The following STK39 variants were observed in gnomAD, a reference collection of about 807,000 sequenced individuals.
The protein encoded by STK39 is serine/threonine kinase 39, also known as STE20/SPS1-related proline-alanine-rich protein kinase.
In STK39, 20 loss-of-function variants were observed where a neutral mutation model predicts 77.8. The observed-to-expected ratio is 0.26, with a 90% CI of 0.18 to 0.37. The LOEUF (loss-of-function observed/expected upper bound fraction) is 0.37, where lower values mean the gene tolerates loss of function less well. Ranked by LOEUF, STK39 falls within the 10% of genes least tolerant of loss-of-function variation. The pLI is 1.00. For missense variants in STK39, 479 were observed against 656.5 expected (o/e 0.73, Z 2.95); for synonymous variants, 246 against 234.1 (o/e 1.05, Z -0.47).
At chr2:168,154,176 T>C (rs1688366659) in intron 5 of STK39, among the ~76,000 whole-genome samples, 2 of 152,194 alleles carry the variant, frequency 1.3e-5, no homozygotes, top group African/African-American at 4.8e-5. Context: ...AATATCAAGA[T>C]TTCTGGCCCA....
Position 168,030,132 on chromosome 2 carries a change from C to T in STK39, c.1377-13037G>A, listed in dbSNP as rs539290973. Among the ~76,000 whole-genome samples, 327 of 152,080 alleles carry T rather than the reference C, an allele frequency of 2.2e-3. 1 individual carries two copies. The highest frequency in any genetic ancestry group is 7.2e-3 in the Admixed American group (110 of 15,278). On this transcript the variant is annotated intron_variant, in intron 14 of 17. Coordinates refer to ENST00000355999, the MANE Select transcript of STK39 (RefSeq NM_013233.3). ...GGCGGGCGCCGGTAGTCCAGCTACT[C>T]GGAAGGCTGAGGCAGGAGAATGGCA... is the stretch of plus-strand genomic sequence containing the variant.
chr2:167,978,647 T>C (rs897856524), intron 16 of STK39, among the ~76,000 whole-genome samples: 1 of 152,202 alleles, frequency 6.6e-6, no homozygotes. Flanking sequence ...ATACCTCAAA[T>C]TGCATGTTTT....
intron 1 of STK39, among the ~76,000 whole-genome samples, chr2:168,241,485 C>G (rs1438465319): frequency 6.6e-6 from 1 of 152,194 alleles, no homozygotes; most frequent in Non-Finnish European, 1.5e-5. Context: ...AACCCCTGAG[C>G]TGTCCAAATT....
chr2:168,213,187 G>C (rs77439833), intron 1 of STK39, among the ~76,000 whole-genome samples: 3 of 152,206 alleles, frequency 2.0e-5, no homozygotes, highest in Admixed American at 6.5e-5. Flanking sequence ...TTAATCATAA[G>C]AACATAGCGC....
intron 14 of STK39, among the ~76,000 whole-genome samples, chr2:168,032,733 C>T (rs1684859561): frequency 6.6e-6 from 1 of 152,126 alleles, no homozygotes. Context: ...CAAAGCAAAA[C>T]AAAAACCTAA....
intron 12 of STK39, among the ~76,000 whole-genome samples, chr2:168,071,605 G>C (rs867327621): frequency 2.6e-5 from 4 of 152,056 alleles, no homozygotes; most frequent in African/African-American, 9.7e-5. Flanking sequence ...AATCAGGCCG[G>C]GCACAGTGGC....
intron 8 of STK39, among the ~76,000 whole-genome samples, chr2:168,135,253 GAA>G (rs1333236763): frequency 7.1e-6 from 1 of 141,712 alleles, no homozygotes; most frequent in African/African-American, 2.6e-5. Context: ...CACTTGGTCA[GAA>G]AAAAAAAAAA....
At chr2:168,074,092 GAAGA>G (rs1379733523) in intron 12 of STK39, among the ~76,000 whole-genome samples, 4 of 152,136 alleles carry the variant, frequency 2.6e-5, no homozygotes, top group Non-Finnish European at 5.9e-5. Context: ...AAGAAGAGGA[GAAGA>G]AAGGGTGGCC....
At chr2:168,210,074 GAAGGAAGA>G (rs1427097287) in intron 1 of STK39, among the ~76,000 whole-genome samples, 53 of 145,324 alleles carry the variant, frequency 3.6e-4, no homozygotes, top group African/African-American at 1.1e-3. Context: ...AGGAAGGAAG[GAAGGAAGA>G]AAGAAACTCA....
At position 168,047,163 on chromosome 2, in the gene STK39, G is replaced by A. The variant is rs528536373; in HGVS notation, c.1376+16337C>T. Among the ~76,000 whole-genome samples, 8 of 152,242 alleles carry A rather than the reference G, an allele frequency of 5.3e-5. 1 individual carries two copies. Among genetic ancestry groups the A allele is most frequent in the African/African-American group, 1.7e-4 (7 of 41,560 alleles). ...AGAATGTTTTAAGAAATAAAAAAAA[G>A]ATTCTTCTTAGCTACTTGGATATTG... is the stretch of plus-strand genomic sequence containing the variant. On this transcript the variant is annotated intron_variant, in intron 14 of 17. Coordinates refer to ENST00000355999, the MANE Select transcript of STK39 (RefSeq NM_013233.3).
intron 10 of STK39, among the ~76,000 whole-genome samples, chr2:168,100,007 C>T (rs949473401): frequency 3.9e-5 from 6 of 152,086 alleles, no homozygotes; most frequent in African/African-American, 1.2e-4. Context: ...CAAAGACAGG[C>T]CACATGGGGA....
chr2:168,041,312 T>C (rs1324546896), intron 14 of STK39, among the ~76,000 whole-genome samples: 3 of 150,984 alleles, frequency 2.0e-5, no homozygotes, highest in Admixed American at 6.6e-5. Flanking sequence ...TTTAAAATAA[T>C]AAAAGTTCCA....
At chr2:168,068,702 C>T (rs1685860780) in intron 12 of STK39, among the ~76,000 whole-genome samples, 1 of 152,168 alleles carries the variant, frequency 6.6e-6, no homozygotes. Context: ...ACATACCTAT[C>T]TTTTCTAACA....
At chr2:168,116,033 T>G (rs1443650468) in intron 10 of STK39, among the ~76,000 whole-genome samples, 1 of 152,092 alleles carries the variant, frequency 6.6e-6, no homozygotes, top group African/African-American at 2.4e-5. Flanking sequence ...CATGAGTGGG[T>G]CGTAGAGCCA....
intron 5 of STK39, among the ~76,000 whole-genome samples, chr2:168,160,886 A>C (rs1688552650): frequency 6.8e-6 from 1 of 147,258 alleles, no homozygotes; most frequent in African/African-American, 2.5e-5. Flanking sequence ...ACTAACTCAG[A>C]TGGCTCAACA....
chr2:168,247,263 A>G lies in STK39; in HGVS notation c.173T>C (p.Ile58Thr). 9.0e-7 allele frequency: 1 copy of G among 1,112,586 alleles called. No individual in the cohort carries two copies. The highest frequency in any genetic ancestry group is 1.1e-6 in the Non-Finnish European group (1 of 914,112). 68.9% of individuals were successfully genotyped at this position (1,112,586 alleles called of 1,614,324 possible). ...CTGCAGCTCGTACGCGTCCCTGCAG[A>G]TGGGCCAGCCGACAGCCTGTGCCGC... ...APAAQAVGWPICRDAYELQEV... is the reference protein window; with the variant it reads ...APAAQAVGWPTCRDAYELQEV... Residue 58 changes from isoleucine (I) to threonine (T), a missense_variant, in exon 1 of 18, where the codon ATC (isoleucine) becomes ACC (threonine). By Grantham distance (89) the Ile-to-Thr change is moderately conservative. Coordinates refer to ENST00000355999, the MANE Select transcript of STK39 (RefSeq NM_013233.3).
intron 10 of STK39, among the ~76,000 whole-genome samples, chr2:168,108,185 G>A (rs1687029172): frequency 6.6e-6 from 1 of 152,176 alleles, no homozygotes. Flanking sequence ...TTTGGGAGAT[G>A]TCTTGACTCG....
At chr2:167,991,214 T>C (rs1683692919) in intron 16 of STK39, among the ~76,000 whole-genome samples, 1 of 152,222 alleles carries the variant, frequency 6.6e-6, no homozygotes, top group Non-Finnish European at 1.5e-5. Flanking sequence ...ACTTACACCC[T>C]TCCCCAGTGA....
At chr2:168,136,299 G>A (rs1687836795) in intron 8 of STK39, among the ~76,000 whole-genome samples, 1 of 150,828 alleles carries the variant, frequency 6.6e-6, no homozygotes, top group Non-Finnish European at 1.5e-5. Context: ...AACCCGGGAG[G>A]TAGAGGTTGC....
Sources: gnomAD v4.1 joint callset for allele counts (sites outside exome capture counted in the v4.1 genomes callset) on GRCh38, gnomAD v4.1.1 for gene constraint, MANE v1.5 for transcripts, NCBI Gene and HGNC (gene_info 2026-07-23, HGNC 2026-07-21) for gene names.